Variants in PLCE1 observed in about 807,000 individuals in gnomAD.
PLCE1 encodes the protein 1-phosphatidylinositol 4,5-bisphosphate phosphodiesterase epsilon-1.
PLCE1 carries 119 observed loss-of-function variants against 242.8 expected under a neutral mutation model. That is an observed-to-expected ratio of 0.49 (90% confidence interval 0.42 to 0.57). The LOEUF (loss-of-function observed/expected upper bound fraction) is 0.57. Ranked by LOEUF, PLCE1 falls within the 20% of genes least tolerant of loss-of-function variation. The probability of loss-of-function intolerance (pLI) is 0.00; values close to 1 mark genes in which losing one functional copy is unlikely to be tolerated. For synonymous variants in PLCE1, 945 were observed against 1,017.4 expected (o/e 0.93, Z 1.35); for missense variants, 2,441 against 2,788.8 (o/e 0.88, Z 2.81).
chr10:94,294,846 C>T (rs569173538), intron 23 of PLCE1, among the ~76,000 whole-genome samples: 33 of 151,096 alleles, frequency 2.2e-4, no homozygotes, highest in African/African-American at 7.3e-4. Flanking sequence ...CCAACTCTTC[C>T]TTGTACAAAA....
In PLCE1 at chr10:94,235,998, T is replaced by C; in HGVS notation, c.2298T>C (p.Thr766=). The change falls in exon 7 of 33, where the codon ACT becomes ACC. Residue 766 remains threonine, a synonymous_variant. Coordinates refer to ENST00000371380, the MANE Select transcript of PLCE1 (RefSeq NM_016341.4). ...TAAAGAATTCGGAGAAGGAGTCCACTGTCAACAGCATCTTTCAGGTCATCC... is the reference window on the plus strand; with the variant it reads ...TAAAGAATTCGGAGAAGGAGTCCACCGTCAACAGCATCTTTCAGGTCATCC... The part of the protein sequence containing the change: ...NGLKNSEKES[T]VNSIFQVIRS... 1 of 1,614,048 alleles carries C rather than the reference T, an allele frequency of 6.2e-7. No homozygotes were observed. Among genetic ancestry groups the C allele is most frequent in the Non-Finnish European group, 8.5e-7 (1 of 1,179,920 alleles).
intron 1 of PLCE1, among the ~76,000 whole-genome samples, chr10:94,003,451 A>G (rs1285496281): frequency 6.6e-6 from 1 of 152,192 alleles, no homozygotes; most frequent in Non-Finnish European, 1.5e-5. Context: ...ATTAAACCAC[A>G]TTTGCAATTC....
At position 94,098,314 on chromosome 10, in the gene PLCE1, A is replaced by G. The variant is rs182330651; in HGVS notation, c.1207-33860A>G. ...CCTCTTTACCCATCACCTAGCTTCAACATTTATAAACATTGCCAATATTGT... is the reference window on the plus strand; with the variant it reads ...CCTCTTTACCCATCACCTAGCTTCAGCATTTATAAACATTGCCAATATTGT... On this transcript the variant is annotated intron_variant, in intron 2 of 32. Transcript: ENST00000371380. Among the ~76,000 whole-genome samples the G allele has an allele frequency of 3.8e-3, 573 of 152,324 alleles. 1 individual carries two copies. The highest frequency in any genetic ancestry group is 6.8e-3 in the Middle Eastern group (2 of 294).
rs530835789 is a variant in PLCE1 at position 94,181,578 on chromosome 10, A to AAAAAT, written c.1809+10107_1809+10111dup. Among the ~76,000 whole-genome samples, 118 of 152,052 alleles carry AAAAAT rather than the reference A, an allele frequency of 7.8e-4. 2 individuals are homozygous for AAAAAT. Among genetic ancestry groups the AAAAAT allele is most frequent in the South Asian group, 5.8e-3 (28 of 4,800 alleles). On this transcript the variant is annotated intron_variant, in intron 4 of 32. Coordinates refer to ENST00000371380, the MANE Select transcript of PLCE1 (RefSeq NM_016341.4). ...GTGACAGAGCAAGACTCTGTCTCAA[A>AAAAAT]AAAATAAAATAAAATAAAATAAAAT...
chr10:94,003,828 G>C (rs2060981648), intron 1 of PLCE1, among the ~76,000 whole-genome samples: 1 of 152,116 alleles, frequency 6.6e-6, no homozygotes, highest in Non-Finnish European at 1.5e-5. Context: ...TGGCCTTCCT[G>C]TGAGATGAAA....
intron 3 of PLCE1, among the ~76,000 whole-genome samples, chr10:94,169,206 A>G (rs2047897270): frequency 6.6e-6 from 1 of 152,166 alleles, no homozygotes; most frequent in Non-Finnish European, 1.5e-5. Flanking sequence ...TTTTTTGATC[A>G]GAAGATATAG....
chr10:94,076,830 A>G (rs2044517497), intron 2 of PLCE1, among the ~76,000 whole-genome samples: 1 of 149,372 alleles, frequency 6.7e-6, no homozygotes, highest in Non-Finnish European at 1.5e-5. Context: ...CTGACCACAC[A>G]TCCTTTTACA....
chr10:94,210,177 A>AAT, intron 4 of PLCE1, among the ~76,000 whole-genome samples: 1 of 150,808 alleles, frequency 6.6e-6, no homozygotes, highest in East Asian at 1.9e-4. Context: ...TAATATTTGA[A>AAT]TGGTGTTTTT....
chr10:94,069,216 T>G (rs1363371494), intron 2 of PLCE1, among the ~76,000 whole-genome samples: 1 of 152,208 alleles, frequency 6.6e-6, no homozygotes, highest in African/African-American at 2.4e-5. Context: ...AAAATTTTAA[T>G]GCTATACAGT....
In PLCE1 at chr10:94,142,688, A is replaced by C. The variant is rs117846452; in HGVS notation, c.1492+10229A>C. ...CACCATCTTGAAATGCCAGCATTCC[A>C]CTGTTCTTAATTCAAAGACTCTGCT... On this transcript the variant is annotated intron_variant, in intron 3 of 32. Coordinates refer to ENST00000371380, the MANE Select transcript of PLCE1 (RefSeq NM_016341.4). 2.7e-3 allele frequency among the ~76,000 whole-genome samples: 404 copies of C among 152,312 alleles called. 2 individuals carry two copies. The highest frequency in any genetic ancestry group is 4.1e-3 in the Non-Finnish European group (281 of 68,026).
At chr10:94,238,693 C>T (rs1164960943) in intron 7 of PLCE1, among the ~76,000 whole-genome samples, 1 of 152,000 alleles carries the variant, frequency 6.6e-6, no homozygotes. Context: ...GCATGGAGAC[C>T]TAAGAGTAGC....
intron 29 of PLCE1, among the ~76,000 whole-genome samples, chr10:94,317,819 C>G (rs34573359): frequency 6.6e-6 from 1 of 151,964 alleles, no homozygotes; most frequent in African/African-American, 2.4e-5. Flanking sequence ...GACAGTCATG[C>G]GTCATGACAT....
intron 19 of PLCE1, among the ~76,000 whole-genome samples, chr10:94,277,459 C>T (rs2051999822): frequency 6.6e-6 from 1 of 152,044 alleles, no homozygotes; most frequent in Non-Finnish European, 1.5e-5. Context: ...AGCTGTTGGC[C>T]GTTTGTTGGG....
At chr10:94,033,024 CTG>C (rs1288510814) in intron 2 of PLCE1, among the ~76,000 whole-genome samples, 1 of 151,918 alleles carries the variant, frequency 6.6e-6, no homozygotes, top group African/African-American at 2.4e-5. Flanking sequence ...ATCTAATACA[CTG>C]TAACACTATT....
chr10:94,029,843 G>T (rs117866469), intron 1 of PLCE1, among the ~76,000 whole-genome samples: 9 of 152,206 alleles, frequency 5.9e-5, no homozygotes, highest in African/African-American at 1.9e-4. Flanking sequence ...TAGTTTTCTC[G>T]GGAGCAACTG....
At chr10:94,235,861 A>G in intron 6 of PLCE1, 54 bp from the exon 7 acceptor site, 3 of 1,527,340 alleles carry the variant, frequency 2.0e-6, no homozygotes, top group Non-Finnish European at 2.7e-6. Flanking sequence ...CTAGCCAAGT[A>G]TGTTATCCAG....
intron 4 of PLCE1, among the ~76,000 whole-genome samples, chr10:94,181,085 C>A (rs891781571): frequency 6.6e-6 from 1 of 152,234 alleles, no homozygotes; most frequent in African/African-American, 2.4e-5. Flanking sequence ...TGCACCTTGT[C>A]AGACAGGACT....
chr10:94,057,251 C>A (rs1395793466), intron 2 of PLCE1, among the ~76,000 whole-genome samples: 1 of 152,082 alleles, frequency 6.6e-6, no homozygotes, highest in African/African-American at 2.4e-5. Context: ...AAAATGGCTG[C>A]ACTTTTTCGT....
chr10:94,068,502 A>G (rs2044261871), intron 2 of PLCE1, among the ~76,000 whole-genome samples: 1 of 152,218 alleles, frequency 6.6e-6, no homozygotes, highest in Non-Finnish European at 1.5e-5. Flanking sequence ...ATGCTATACA[A>G]GAGGATGTGT....
Sources: gnomAD v4.1 joint callset for allele counts (sites outside exome capture counted in the v4.1 genomes callset) on GRCh38, gnomAD v4.1.1 for gene constraint, MANE v1.5 for transcripts, NCBI Gene and HGNC (gene_info 2026-07-23, HGNC 2026-07-21) for gene names.